STPG2: variants seen among roughly 807,000 people sequenced by gnomAD.
STPG2 encodes the protein sperm-tail PG-rich repeat-containing protein 2.
STPG2 carries 56 observed loss-of-function variants against 54.2 expected under a neutral mutation model. The observed-to-expected ratio is 1.03, with a 90% CI of 0.83 to 1.29. STPG2 has a LOEUF of 1.29. Ranked by LOEUF, STPG2 falls within the 50% of genes most tolerant of loss-of-function variation. The probability of loss-of-function intolerance (pLI) is 0.00; values close to 1 mark genes in which losing one functional copy is unlikely to be tolerated. For synonymous variants in STPG2, 200 were observed against 181.8 expected (o/e 1.10, Z -0.81); for missense variants, 596 against 544.9 (o/e 1.09, Z -0.93).
chr4:98,017,414 G>A lies in STPG2; in HGVS notation c.613-36096C>T, dbSNP rs867995854. ...TTTGTTGGGTACATCCTGGCACTGGGGTTTACTGGGTTGGGCCTGGTGACA... is the reference window on the plus strand; with the variant it reads ...TTTGTTGGGTACATCCTGGCACTGGAGTTTACTGGGTTGGGCCTGGTGACA... On this transcript the variant is annotated intron_variant, in intron 5 of 10. Transcript: ENST00000295268. 3.3e-5 allele frequency among the ~76,000 whole-genome samples: 5 copies of A among 152,264 alleles called. No homozygotes were observed. In the Middle Eastern group the frequency reaches 0.01, roughly 311 times the overall value.
rs575528343 is a variant in STPG2 at position 97,539,634 on chromosome 4, T to C, written c.462+173065A>G. ...CCACTGTCAACATTAGACAGATCAA[T>C]GAGACAGAAAGTTAACAAGGATATC... On this transcript the variant is annotated intron_variant, in intron 4 of 4. Transcript: ENST00000522676. Among the ~76,000 whole-genome samples the C allele has an allele frequency of 1.2e-4, 19 of 152,188 alleles. No homozygotes were observed. The South Asian group carries it at 2.9e-3, about 23-fold the overall frequency.
At chr4:97,910,932 A>T (rs1394257467) in intron 8 of STPG2, among the ~76,000 whole-genome samples, 1 of 152,214 alleles carries the variant, frequency 6.6e-6, no homozygotes, top group Non-Finnish European at 1.5e-5. Context: ...AGTGAATTCT[A>T]CACCTTCAAC....
intron 9 of STPG2, among the ~76,000 whole-genome samples, chr4:97,789,875 T>C (rs1348702692): frequency 1.3e-5 from 2 of 152,134 alleles, no homozygotes; most frequent in African/African-American, 4.8e-5. Context: ...CAATCTTTTC[T>C]GATCTCCTTG....
rs1727319895 is a variant in STPG2, at chr4:97,799,726, G to T, written c.1204+41047C>A. On this transcript the variant is annotated intron_variant, in intron 9 of 10. Coordinates refer to ENST00000295268, the MANE Select transcript of STPG2 (RefSeq NM_174952.3). ...CTGTATTTCCTGAATTTGAATGTTG[G>T]CCTGCCTTGCTAGGTTGGCGAAGTT... Among the ~76,000 whole-genome samples the T allele has an allele frequency of 2.6e-5, 4 of 152,170 alleles. No individual in the cohort carries two copies. In the Middle Eastern group the frequency reaches 0.014, roughly 518 times the overall value.
rs1740353801 is a variant in STPG2 at position 98,143,215 on chromosome 4, T to TAGAA, written c.-69_-66dup. ...CCGAAAACGATAAAAACAAGGTAGC[T>TAGAA]AGAAGTGTGGAGAAAAAGGAAGCCG... is the stretch of plus-strand genomic sequence containing the variant. On this transcript the variant is annotated 5_prime_UTR_variant, in exon 1 of 11. An upstream open reading frame in the 5' UTR loses its in-frame stop. Transcript: ENST00000295268. 7.7e-7 allele frequency: 1 copy of TAGAA among 1,300,330 alleles called. No homozygotes were observed. Among genetic ancestry groups the TAGAA allele is most frequent in the East Asian group, 2.4e-5 (1 of 40,832 alleles). 80.5% of individuals were successfully genotyped at this position (1,300,330 alleles called of 1,614,324 possible).
chr4:97,649,433 GGC>G (rs1318309984), intron 10 of STPG2, among the ~76,000 whole-genome samples: 5 of 151,770 alleles, frequency 3.3e-5, no homozygotes, highest in African/African-American at 4.8e-5. Flanking sequence ...CTGTTTTTAG[GGC>G]AAAAAAATAG....
intron 9 of STPG2, among the ~76,000 whole-genome samples, chr4:97,759,115 G>A (rs1725814545): frequency 6.6e-6 from 1 of 152,098 alleles, no homozygotes; most frequent in Admixed American, 6.6e-5. Context: ...GAAAAGGAAG[G>A]GTGCCAGAAG....
chr4:97,807,084 G>T (rs1216481402), intron 9 of STPG2, among the ~76,000 whole-genome samples: 2 of 151,220 alleles, frequency 1.3e-5, no homozygotes, highest in African/African-American at 4.8e-5. Flanking sequence ...TGTTTCCAAT[G>T]TTTTTCTATA....
At chr4:97,927,033 T>C (rs1317398129) in intron 8 of STPG2, among the ~76,000 whole-genome samples, 1 of 152,146 alleles carries the variant, frequency 6.6e-6, no homozygotes, top group Non-Finnish European at 1.5e-5. Flanking sequence ...TTACAGAAGT[T>C]GCCTAAACTC....
intron 10 of STPG2, among the ~76,000 whole-genome samples, chr4:97,692,588 A>T (rs1046407560): frequency 3.9e-5 from 6 of 152,182 alleles, no homozygotes; most frequent in African/African-American, 1.2e-4. Flanking sequence ...ATTCCCGAGG[A>T]AGAAGAGAAA....
At chr4:97,637,839 G>A (rs1199772626) in intron 10 of STPG2, among the ~76,000 whole-genome samples, 3 of 151,894 alleles carry the variant, frequency 2.0e-5, no homozygotes, top group East Asian at 3.9e-4. Flanking sequence ...CAAGGAAATA[G>A]AAGAGGATAC....
intron 9 of STPG2, among the ~76,000 whole-genome samples, chr4:97,739,603 A>G (rs1488239756): frequency 6.6e-6 from 1 of 152,236 alleles, no homozygotes; most frequent in African/African-American, 2.4e-5. Flanking sequence ...CAAATAAACT[A>G]GAAAATCTTG....
chr4:97,860,420 T>A (rs1283236070), intron 8 of STPG2, among the ~76,000 whole-genome samples: 2 of 151,978 alleles, frequency 1.3e-5, no homozygotes, highest in African/African-American at 4.8e-5. Context: ...TGTTTTGTAG[T>A]TTACCTTGTA....
At chr4:97,569,764 T>C (rs1169948214) in intron 10 of STPG2, among the ~76,000 whole-genome samples, 5 of 152,048 alleles carry the variant, frequency 3.3e-5, no homozygotes, top group Non-Finnish European at 7.4e-5. Flanking sequence ...ATGCTAAATA[T>C]AGGTAAGGAA....
chr4:97,766,871 T>C (rs916134491), intron 9 of STPG2, among the ~76,000 whole-genome samples: 1 of 152,020 alleles, frequency 6.6e-6, no homozygotes, highest in Non-Finnish European at 1.5e-5. Flanking sequence ...TTGTAACATA[T>C]GCTTAATTGT....
chr4:97,513,351 A>T (rs1190191924), intron 4 of STPG2, among the ~76,000 whole-genome samples: 2 of 152,040 alleles, frequency 1.3e-5, no homozygotes, highest in African/African-American at 4.8e-5. Flanking sequence ...TTCATTACAT[A>T]GGCATGATTG....
chr4:97,675,910 G>GTGTATATATATACATATA (rs2148973546), intron 10 of STPG2, among the ~76,000 whole-genome samples: 1 of 145,076 alleles, frequency 6.9e-6, no homozygotes, highest in African/African-American at 2.5e-5. Flanking sequence ...TATATATATA[G>GTGTATATATATACATATA]TGTATATATA....
At chr4:97,571,643 C>T (rs1423609925) in intron 10 of STPG2, among the ~76,000 whole-genome samples, 1 of 152,134 alleles carries the variant, frequency 6.6e-6, no homozygotes, top group Non-Finnish European at 1.5e-5. Flanking sequence ...CCTGGAAGTC[C>T]TTGTCTTGAG....
At chr4:97,831,192 T>A (rs1728446752) in intron 9 of STPG2, among the ~76,000 whole-genome samples, 1 of 152,156 alleles carries the variant, frequency 6.6e-6, no homozygotes, top group Non-Finnish European at 1.5e-5. Context: ...CACAGTGCAA[T>A]CAAACTAGAA....
Sources: allele counts gnomAD v4.1 joint callset (sites outside exome capture counted in the v4.1 genomes callset), GRCh38; gene constraint gnomAD v4.1.1; transcripts MANE v1.5; gene names NCBI Gene and HGNC (gene_info 2026-07-23, HGNC 2026-07-21).